Variants in MYH3 observed in about 807,000 individuals in gnomAD.
The protein encoded by MYH3 is myosin-3.
MYH3 carries 130 observed loss-of-function variants against 238.0 expected under a neutral mutation model. That is an observed-to-expected ratio of 0.55 (90% CI 0.47 to 0.63). MYH3 has a LOEUF of 0.63. Ranked by LOEUF, MYH3 falls within the 30% of genes least tolerant of loss-of-function variation. The probability of loss-of-function intolerance (pLI) is 0.00; values close to 1 mark genes in which losing one functional copy is unlikely to be tolerated. For missense variants in MYH3, 1,853 were observed against 2,374.9 expected, an observed-to-expected ratio of 0.78 and a Z score of 4.57; for synonymous variants, 880 against 924.1, an observed-to-expected ratio of 0.95 and a Z score of 0.86.
intron 5 of MYH3, among the ~76,000 whole-genome samples, chr17:10,650,635 A>G (rs2074365865): frequency 6.6e-6 from 1 of 152,214 alleles, no homozygotes; most frequent in Admixed American, 6.5e-5. Context: ...GATTTGATAT[A>G]TGTTTATATG....
At chr17:10,636,058 C>T (rs973583884) in intron 28 of MYH3, among the ~76,000 whole-genome samples, 2 of 152,100 alleles carry the variant, frequency 1.3e-5, no homozygotes, top group Non-Finnish European at 2.9e-5. Context: ...GGTGCAGTGG[C>T]TCACGCCTGT....
Position 10,642,197 on chromosome 17 carries a change from C to A in MYH3, c.1959+43G>T. 6.5e-7 allele frequency: 1 copy of A among 1,548,128 alleles called. No homozygotes were observed. Among genetic ancestry groups the A allele is most frequent in the Non-Finnish European group, 8.9e-7 (1 of 1,123,290 alleles). On this transcript the variant is annotated intron_variant, in intron 17 of 40. Coordinates refer to ENST00000583535, the MANE Select transcript of MYH3 (RefSeq NM_002470.4). The surrounding 1 kb of genome is among the most constrained non-coding windows in gnomAD (Gnocchi z 5.4). ...ATCTCAGCATTGCTCATTTAGATGT[C>A]ACTTAAATCAATTATAAGCAAATAA...
intron 28 of MYH3, among the ~76,000 whole-genome samples, chr17:10,636,608 C>G (rs1304046587): frequency 6.6e-6 from 1 of 151,646 alleles, no homozygotes; most frequent in East Asian, 1.9e-4. Context: ...CGTGAATCCC[C>G]CAACATGGTA....
At chr17:10,638,572 A>C in intron 26 of MYH3, 140 bp from the exon 27 acceptor site, 12 of 1,236,214 alleles carry the variant, frequency 9.7e-6, no homozygotes, top group Non-Finnish European at 1.3e-5. Flanking sequence ...ATTTCCTTTC[A>C]CAGGAATTTT....
In MYH3 at chr17:10,638,220, C is replaced by T. The variant is rs771989110; in HGVS notation, c.3552G>A (p.Leu1184=). ...KLRRDLEEAT[L]QHEAMVAALR... ...GCGCGGCCACCATGGCTTCGTGCTGCAGTGTGGCCTCCTCCAGGTCCCTGC... is the reference window on the plus strand; with the variant it reads ...GCGCGGCCACCATGGCTTCGTGCTGTAGTGTGGCCTCCTCCAGGTCCCTGC... The change falls in exon 27 of 41, where the codon CTG becomes CTA. Residue 1184 remains leucine (L), a synonymous_variant. Coordinates refer to ENST00000583535, the MANE Select transcript of MYH3 (RefSeq NM_002470.4). The T allele has an allele frequency of 2.5e-6, 4 of 1,613,912 alleles. No individual in the cohort carries two copies. The South Asian group carries it at 4.4e-5, about 18-fold the overall frequency.
Position 10,636,914 on chromosome 17 carries a change from T to TAA in MYH3, c.3856+893_3856+894dup, listed in dbSNP as rs879678430. Among the ~76,000 whole-genome samples, 27 of 143,204 alleles carry TAA rather than the reference T, an allele frequency of 1.9e-4. 1 individual carries two copies. In the East Asian group the frequency reaches 3.1e-3, roughly 16 times the overall value. 93.9% of individuals were successfully genotyped at this position (143,204 alleles called of 152,430 possible). Reference sequence around the variant, plus strand: ...GGGTGACAGAGAGTGAGACTCTGTCTAAAAAAAAAAAAATGTGGCTACCAA... The same window carrying TAA: ...GGGTGACAGAGAGTGAGACTCTGTCTAAAAAAAAAAAAAAATGTGGCTACCAA... On this transcript the variant is annotated intron_variant, in intron 28 of 40. Coordinates refer to ENST00000583535, the MANE Select transcript of MYH3 (RefSeq NM_002470.4).
At chr17:10,650,435 C>T in intron 5 of MYH3, 34 bp from the exon 6 acceptor site, 1 of 1,599,352 alleles carries the variant, frequency 6.3e-7, no homozygotes, top group Non-Finnish European at 8.6e-7. Context: ...GAGTTGATGG[C>T]AATAGAAAAA....
At chr17:10,653,332 A>G (rs1489308706) in intron 3 of MYH3, among the ~76,000 whole-genome samples, 1 of 152,114 alleles carries the variant, frequency 6.6e-6, no homozygotes, top group African/African-American at 2.4e-5. Context: ...AGAATGAGGA[A>G]GGGGCATTGG....
At position 10,639,978 on chromosome 17, in the gene MYH3, A is replaced by C; in HGVS notation, c.2682+18T>G. ...TCTAGAAGAGTTAAAAAAAAAAAAA[A>C]GATTGCTAAACACGTACAGCTTGTA... On this transcript the variant is annotated intron_variant, in intron 22 of 40. Coordinates refer to ENST00000583535, the MANE Select transcript of MYH3 (RefSeq NM_002470.4). 1 of 1,603,856 alleles carries C rather than the reference A, an allele frequency of 6.2e-7. No homozygotes were observed. The highest frequency in any genetic ancestry group is 8.5e-7 in the Non-Finnish European group (1 of 1,177,032).
the MYH3 span, chr17:10,674,074 TGAG>T: frequency 6.6e-6 from 1 of 152,192 alleles, no homozygotes; most frequent in Non-Finnish European, 1.5e-5. Flanking sequence ...TATTGGGGGT[TGAG>T]GAGAATCCAT....
chr17:10,631,576 G>C (rs1363380053), intron 36 of MYH3, 35 bp downstream of exon 36: 1 of 1,613,994 alleles, frequency 6.2e-7, no homozygotes, highest in Admixed American at 1.7e-5. Context: ...ATGCAATCCC[G>C]GCAGCCCGAG....
the MYH3 span, among the ~76,000 whole-genome samples, chr17:10,667,932 TA>T: frequency 6.6e-6 from 1 of 152,014 alleles, no homozygotes; most frequent in Non-Finnish European, 1.5e-5. Context: ...GATTTGAAAA[TA>T]AATGTAAATA....
In MYH3 at chr17:10,632,506, T is replaced by A; in HGVS notation, c.4926A>T (p.Lys1642Asn). ...HANRQAAETLKHLRSVQGQLK... is the reference protein window; with the variant it reads ...HANRQAAETLNHLRSVQGQLK... ...GCTGTCCCTGGACACTCCTGAGGTG[T>A]TTGAGGGTCTCCGCCGCCTGGCGGT... The change falls in exon 34 of 41, where the codon AAA becomes AAT. Residue 1642 changes from lysine (K) to asparagine (N), a missense_variant. Transcript: ENST00000583535. 1 of 1,614,014 alleles carries A rather than the reference T, an allele frequency of 6.2e-7. No individual in the cohort carries two copies. Among genetic ancestry groups the A allele is most frequent in the Non-Finnish European group, 8.5e-7 (1 of 1,180,036 alleles).
At position 10,647,413 on chromosome 17, in the gene MYH3, C is replaced by T. The variant is rs775849117; in HGVS notation, c.749G>A (p.Arg250Gln). ...CTTCCCAGTGGTTCCAAAATGGATT[C>T]GGATGAACTTGCCCTGTATGGGGCG... ...DNSSRFGKFI[R>Q]IHFGTTGKLA... Residue 250 changes from arginine to glutamine, a missense_variant, in exon 9 of 41, where the codon CGA (arginine) becomes CAA (glutamine). Transcript: ENST00000583535. The T allele has an allele frequency of 2.8e-5, 46 of 1,614,098 alleles. No homozygotes were observed. The highest frequency in any genetic ancestry group is 1.7e-4 in the Admixed American group (10 of 60,000).
chr17:10,664,691 AC>A, the MYH3 span, among the ~76,000 whole-genome samples: 1 of 151,954 alleles, frequency 6.6e-6, no homozygotes, highest in Admixed American at 6.6e-5. Context: ...AAAGGAGACG[AC>A]CCCGTATCTA....
At chr17:10,638,456 C>G in intron 26 of MYH3, 24 bp from the exon 27 acceptor site, 1 of 1,599,542 alleles carries the variant, frequency 6.3e-7, no homozygotes, top group African/African-American at 1.3e-5. Flanking sequence ...CCGTTCACCC[C>G]GTGGGCAGTG....
In MYH3 at chr17:10,640,365, C is replaced by T; in HGVS notation, c.2394G>A (p.Met798Ile). The T allele has an allele frequency of 1.9e-6, 3 of 1,614,236 alleles. No individual in the cohort carries two copies. The highest frequency in any genetic ancestry group is 2.5e-6 in the Non-Finnish European group (3 of 1,180,050). Residue 798 changes from methionine (M) to isoleucine (I), a missense_variant, in exon 21 of 41, where the codon ATG becomes ATA. Transcript: ENST00000583535. ...GCACCATCTTCTGGAATTCCACACG[C>T]ATGAGGAACCCTCTGCACACAGCTT... is the stretch of plus-strand genomic sequence containing the variant. ...RTQAVCRGFLMRVEFQKMVQR... is the reference protein window; with the variant it reads ...RTQAVCRGFLIRVEFQKMVQR...
At chr17:10,651,184 CA>C (rs35638998) in intron 5 of MYH3, among the ~76,000 whole-genome samples, 74 of 106,014 alleles carry the variant, frequency 7.0e-4, no homozygotes, top group Middle Eastern at 5.5e-3. Context: ...GACTCCATCT[CA>C]AAAAAAAAAA....
At chr17:10,670,601 G>A in the MYH3 span, among the ~76,000 whole-genome samples, 1 of 152,008 alleles carries the variant, frequency 6.6e-6, no homozygotes. The surrounding 1 kb of genome is among the most constrained non-coding windows in gnomAD (Gnocchi z 7.0). Context: ...ATGCCACAGT[G>A]CCCAATTAAT....
Sources: gnomAD v4.1 joint callset for allele counts (sites outside exome capture counted in the v4.1 genomes callset) on GRCh38, gnomAD v4.1.1 for gene constraint, Gnocchi (gnomAD v3.1) non-coding constraint, MANE v1.5 for transcripts, NCBI Gene and HGNC (gene_info 2026-07-23, HGNC 2026-07-21) for gene names.